VSIG1: variants seen among roughly 807,000 people sequenced by gnomAD.
VSIG1 encodes the protein V-set and immunoglobulin domain-containing protein 1.
Under a neutral mutation model 20.1 loss-of-function variants are expected in VSIG1, and 11 were observed. That is an observed-to-expected ratio of 0.55 (90% CI 0.34 to 0.91). VSIG1 has a LOEUF of 0.91. VSIG1 is among the 40% of genes least tolerant of loss of function. The probability of loss-of-function intolerance (pLI) is 0.02; values close to 1 mark genes in which losing one functional copy is unlikely to be tolerated. For synonymous variants in VSIG1, 126 were observed against 116.7 expected, an observed-to-expected ratio of 1.08 and a Z score of -0.52; for missense variants, 283 against 298.8, an observed-to-expected ratio of 0.95 and a Z score of 0.39.
the VSIG1 span, among the ~76,000 whole-genome samples, chrX:108,028,515 T>C: frequency 4.9e-4 from 54 of 111,067 alleles, 1 homozygote; most frequent in African/African-American, 1.7e-3. Flanking sequence ...GAGATTATGA[T>C]TGAGAAGCTG....
chrX:108,024,534 A>G, the VSIG1 span, among the ~76,000 whole-genome samples: 1 of 108,686 alleles, frequency 9.2e-6, no homozygotes, highest in Non-Finnish European at 1.9e-5. Context: ...GTGCAAAATT[A>G]TTAGGTTATC....
chrX:108,043,911 A>G (rs1190492180), upstream of VSIG1, among the ~76,000 whole-genome samples: 62 of 112,463 alleles, frequency 5.5e-4, no homozygotes, highest in Non-Finnish European at 7.5e-5. Context: ...TAATGTGGCT[A>G]AAGTTCAGAT....
At chrX:108,059,852 C>T (rs113089530) in intron 2 of VSIG1, among the ~76,000 whole-genome samples, 178 of 112,446 alleles carry the variant, frequency 1.6e-3, no homozygotes, top group African/African-American at 5.5e-3. Flanking sequence ...TTTAGGGAGA[C>T]CTTGCCAATG....
chrX:108,072,832 A>G lies in VSIG1; in HGVS notation c.568A>G (p.Asn190Asp), dbSNP rs370073923. The G allele has an allele frequency of 3.5e-5, 42 of 1,208,140 alleles. No homozygotes were observed. The African/African-American group carries it at 6.7e-4, about 19-fold the overall frequency. Residue 190 changes from asparagine (N) to aspartate (D), a missense_variant and splice_region_variant, in exon 4 of 7, where the codon AAC becomes GAC. Physicochemically the swap from Asn to Asp is conservative, Grantham distance 23 (BLOSUM62 1). Transcript: ENST00000217957. ...CATCGTGCCAGTGAAAGAAAACTTCAGTAAGTGTAACCTGCAGTAGACCCT... is the reference window on the plus strand; with the variant it reads ...CATCGTGCCAGTGAAAGAAAACTTCGGTAAGTGTAACCTGCAGTAGACCCT... Reference protein sequence around the residue: ...RDIVPVKENFNPTTGILVIGN... With the variant: ...RDIVPVKENFDPTTGILVIGN...
intron 1 of VSIG1, among the ~76,000 whole-genome samples, chrX:108,053,346 G>T (rs1205379054): frequency 9.0e-6 from 1 of 111,612 alleles, no homozygotes; most frequent in Non-Finnish European, 1.9e-5. Flanking sequence ...AGTGGGGAAG[G>T]TAAAGGAAAC....
chrX:108,031,311 C>T, the VSIG1 span, among the ~76,000 whole-genome samples: 2 of 112,259 alleles, frequency 1.8e-5, no homozygotes, highest in African/African-American at 6.5e-5. Flanking sequence ...TGTGTTCCTT[C>T]TTCAAATACA....
chrX:108,067,164 T>C lies in VSIG1; in HGVS notation c.412+30T>C, dbSNP rs966841564. On this transcript the variant is annotated intron_variant, in intron 3 of 6. Transcript: ENST00000217957. The stretch of plus-strand genomic sequence containing the variant: ...GAGCACTTTTTTCTGCTTTTTCTTT[T>C]CTTGGAAAAAGTTAGGACACTGAAT... 2.5e-6 allele frequency: 3 copies of C among 1,199,862 alleles called. No individual in the cohort carries two copies. In the African/African-American group the frequency reaches 5.3e-5, roughly 21 times the overall value.
At chrX:108,047,586 T>C (rs1270578007) in intron 1 of VSIG1, among the ~76,000 whole-genome samples, 2 of 108,407 alleles carry the variant, frequency 1.8e-5, no homozygotes, top group Non-Finnish European at 3.8e-5. Context: ...TCAAAATGAA[T>C]CTATTATATA....
the VSIG1 span, among the ~76,000 whole-genome samples, chrX:108,032,401 G>A: frequency 8.9e-6 from 1 of 111,931 alleles, no homozygotes; most frequent in African/African-American, 3.3e-5. Flanking sequence ...CCCTGTTCTA[G>A]GTGATTAGGA....
At chrX:108,025,334 T>C in the VSIG1 span, among the ~76,000 whole-genome samples, 2 of 112,184 alleles carry the variant, frequency 1.8e-5, no homozygotes, top group African/African-American at 6.5e-5. Context: ...ATTGTAAGTC[T>C]GCCAAAATCT....
At chrX:108,074,538 A>G (rs926866845) in intron 5 of VSIG1, among the ~76,000 whole-genome samples, 3 of 111,663 alleles carry the variant, frequency 2.7e-5, no homozygotes, top group Non-Finnish European at 5.6e-5. Context: ...GTCCTAGGTG[A>G]TAAAGATACA....
the VSIG1 span, among the ~76,000 whole-genome samples, chrX:108,020,464 CAG>C: frequency 9.0e-6 from 1 of 111,654 alleles, no homozygotes; most frequent in Non-Finnish European, 1.9e-5. Context: ...AATTCTTGGT[CAG>C]AGAGGTTAAA....
chrX:108,037,049 T>C, the VSIG1 span, among the ~76,000 whole-genome samples: 1 of 111,494 alleles, frequency 9.0e-6, no homozygotes. Flanking sequence ...GCCAGGGGGA[T>C]CTTTAAGAGG....
At chrX:108,032,176 A>G in the VSIG1 span, among the ~76,000 whole-genome samples, 1 of 112,670 alleles carries the variant, frequency 8.9e-6, no homozygotes, top group African/African-American at 3.2e-5. Flanking sequence ...ACTCTGCTGT[A>G]TCGTCATTTC....
chrX:108,047,799 T>TATATATACGTATATATATAC (rs1555980243), intron 1 of VSIG1, among the ~76,000 whole-genome samples: 2 of 68,561 alleles, frequency 2.9e-5, no homozygotes, highest in Non-Finnish European at 5.3e-5. Flanking sequence ...TCTATATATA[T>TATATATACGTATATATATAC]ATATATATAC....
Position 108,077,228 on chromosome X carries a change from G to C in VSIG1, c.1011G>C (p.Glu337Asp). 4.1e-6 allele frequency: 5 copies of C among 1,211,996 alleles called. No individual in the cohort carries two copies. Among genetic ancestry groups the C allele is most frequent in the Non-Finnish European group, 5.6e-6 (5 of 895,610 alleles). ...CCCCAGAGCCTGCCCCAGGATCAGA[G>C]CCTATGGCAGTGCCTGACCTTGACA... is the stretch of plus-strand genomic sequence containing the variant. ...EPAPEPAPGS[E>D]PMAVPDLDIE... Residue 337 changes from glutamate to aspartate, a missense_variant, in exon 7 of 7, where the codon GAG becomes GAC. Physicochemically the swap from Glu to Asp is conservative, Grantham distance 45. Transcript: ENST00000217957.
intron 1 of VSIG1, among the ~76,000 whole-genome samples, chrX:108,047,784 CTCTCTCTA>C (rs1460279128): frequency 1.6e-5 from 1 of 64,284 alleles, no homozygotes; most frequent in East Asian, 3.9e-4. Context: ...CTCTCTCTCT[CTCTCTCTA>C]TATATATATA....
upstream of VSIG1, among the ~76,000 whole-genome samples, chrX:108,040,099 A>G: frequency 8.9e-6 from 1 of 111,736 alleles, no homozygotes; most frequent in Middle Eastern, 4.7e-3. Context: ...GTGATAGACC[A>G]GAAGAAAATG....
intron 1 of VSIG1, among the ~76,000 whole-genome samples, chrX:108,046,534 T>C (rs1401254908): frequency 1.8e-5 from 2 of 110,659 alleles, no homozygotes; most frequent in Non-Finnish European, 3.8e-5. Context: ...GCACAGGGTT[T>C]GGAACGGTTG....
Sources: gnomAD v4.1 joint callset for allele counts (sites outside exome capture counted in the v4.1 genomes callset) on GRCh38, gnomAD v4.1.1 for gene constraint, MANE v1.5 for transcripts, NCBI Gene and HGNC (gene_info 2026-07-23, HGNC 2026-07-21) for gene names.